The following TSPAN5 variants were observed in gnomAD, a reference collection of about 807,000 sequenced individuals.
TSPAN5 encodes the protein tetraspanin-5.
TSPAN5 carries 10 observed loss-of-function variants against 37.1 expected under a neutral mutation model. That is an observed-to-expected ratio of 0.27 (90% CI 0.17 to 0.46). The LOEUF is 0.46. Among genes scored for constraint, TSPAN5 ranks in the 20% least tolerant of loss-of-function variants. TSPAN5 has a pLI of 1.00. For missense variants in TSPAN5, 195 were observed against 326.6 expected (o/e 0.60, Z 3.11); for synonymous variants, 110 against 118.9 (o/e 0.93, Z 0.48).
At chr4:98,511,089 C>T (rs987084185) in intron 1 of TSPAN5, among the ~76,000 whole-genome samples, 1 of 152,140 alleles carries the variant, frequency 6.6e-6, no homozygotes, top group African/African-American at 2.4e-5. Context: ...GTCTTAAAGT[C>T]AACCCTTTAC....
At chr4:98,484,385 T>G in intron 3 of TSPAN5, 1 of 453,790 alleles carries the variant, frequency 2.2e-6, no homozygotes. Flanking sequence ...GTTTACTTAC[T>G]ACTTATCTCA....
intron 1 of TSPAN5, among the ~76,000 whole-genome samples, chr4:98,598,907 T>C (rs553493500): frequency 3.3e-5 from 5 of 152,296 alleles, no homozygotes; most frequent in African/African-American, 9.6e-5. Flanking sequence ...CACCAGAAAG[T>C]AATTCTGTTC....
At chr4:98,595,553 G>A (rs1042423560) in intron 1 of TSPAN5, among the ~76,000 whole-genome samples, 1 of 129,446 alleles carries the variant, frequency 7.7e-6, no homozygotes, top group African/African-American at 3.5e-5. Context: ...GATCTTTCCT[G>A]CTTTCTCTTG....
At chr4:98,635,675 G>C (rs2110270030) in intron 1 of TSPAN5, among the ~76,000 whole-genome samples, 1 of 152,298 alleles carries the variant, frequency 6.6e-6, no homozygotes, top group Admixed American at 6.5e-5. Context: ...CAGCAAAACA[G>C]ATTGCCCAGA....
intron 1 of TSPAN5, among the ~76,000 whole-genome samples, chr4:98,577,234 C>T (rs1345484866): frequency 1.3e-5 from 2 of 152,170 alleles, no homozygotes; most frequent in Non-Finnish European, 2.9e-5. Flanking sequence ...AGTGCCATCC[C>T]TACTTTCAAC....
chr4:98,627,151 C>T (rs1204986988), intron 1 of TSPAN5, among the ~76,000 whole-genome samples: 1 of 152,064 alleles, frequency 6.6e-6, no homozygotes, highest in Non-Finnish European at 1.5e-5. Flanking sequence ...AAAGGAAGGA[C>T]ATTCTACACA....
At chr4:98,605,477 G>T (rs773479921) in intron 1 of TSPAN5, among the ~76,000 whole-genome samples, 1 of 152,082 alleles carries the variant, frequency 6.6e-6, no homozygotes, top group Admixed American at 6.6e-5. Context: ...TCCTAATTCA[G>T]CAGTCACTAC....
intron 1 of TSPAN5, among the ~76,000 whole-genome samples, chr4:98,639,211 C>G (rs1341821967): frequency 6.6e-6 from 1 of 152,094 alleles, no homozygotes; most frequent in Non-Finnish European, 1.5e-5. Context: ...CACATGAACC[C>G]CCTGCTACAC....
At chr4:98,544,876 A>T (rs1363936575) in intron 1 of TSPAN5, among the ~76,000 whole-genome samples, 1 of 152,208 alleles carries the variant, frequency 6.6e-6, no homozygotes, top group Non-Finnish European at 1.5e-5. Flanking sequence ...TTCAAAGAAA[A>T]CATCTATGTA....
At chr4:98,568,492 A>G (rs1216359027) in intron 1 of TSPAN5, among the ~76,000 whole-genome samples, 1 of 152,088 alleles carries the variant, frequency 6.6e-6, no homozygotes, top group Non-Finnish European at 1.5e-5. Context: ...CAGTGACCCG[A>G]GATCACTCCA....
intron 1 of TSPAN5, among the ~76,000 whole-genome samples, chr4:98,605,112 T>C (rs1205546331): frequency 6.6e-6 from 1 of 152,240 alleles, no homozygotes; most frequent in Non-Finnish European, 1.5e-5. Flanking sequence ...GGTAAGTTAT[T>C]GCTTATGTGT....
At chr4:98,592,508 C>T (rs979162591) in intron 1 of TSPAN5, among the ~76,000 whole-genome samples, 4 of 138,170 alleles carry the variant, frequency 2.9e-5, no homozygotes, top group East Asian at 2.3e-4. Context: ...CATATGTATA[C>T]ATGTGCCATG....
chr4:98,620,444 T>G (rs963816965), intron 1 of TSPAN5, among the ~76,000 whole-genome samples: 1 of 152,180 alleles, frequency 6.6e-6, no homozygotes, highest in Non-Finnish European at 1.5e-5. Context: ...GGAGCAGAGA[T>G]AAGCCTTCCT....
At chr4:98,478,575 C>T (rs935472877) in intron 5 of TSPAN5, 110 bp downstream of exon 5, 46 of 1,332,156 alleles carry the variant, frequency 3.5e-5, no homozygotes, top group South Asian at 2.7e-4. Flanking sequence ...GCTACAAATA[C>T]GAGTAACCAG....
intron 1 of TSPAN5, among the ~76,000 whole-genome samples, chr4:98,627,566 A>G (rs1756636200): frequency 6.6e-6 from 1 of 152,212 alleles, no homozygotes; most frequent in Non-Finnish European, 1.5e-5. Flanking sequence ...TCCTCCATGA[A>G]AAACTTTGGG....
chr4:98,592,421 GTT>G (rs1204813183), intron 1 of TSPAN5, among the ~76,000 whole-genome samples: 1 of 95,280 alleles, frequency 1.0e-5, no homozygotes, highest in African/African-American at 4.4e-5. Context: ...AGGGATCTCT[GTT>G]TTTTGTTTTT....
intron 2 of TSPAN5, among the ~76,000 whole-genome samples, chr4:98,499,227 C>G (rs1241438118): frequency 1.3e-5 from 2 of 152,208 alleles, no homozygotes; most frequent in Non-Finnish European, 2.9e-5. Context: ...AGCTTCTGCC[C>G]GGGCAGGCGG....
At chr4:98,656,800 T>C (rs1346175317) in intron 1 of TSPAN5, among the ~76,000 whole-genome samples, 2 of 151,974 alleles carry the variant, frequency 1.3e-5, no homozygotes, top group Non-Finnish European at 2.9e-5. Flanking sequence ...GGTATTATAA[T>C]AGAAAACAGA....
At chr4:98,479,914 A>C (rs10011269) in intron 4 of TSPAN5, among the ~76,000 whole-genome samples, 24,098 of 152,148 alleles carry the variant, frequency 0.16, 4,935 homozygotes, top group African/African-American at 0.48. Context: ...GAATTACTTC[A>C]TCCCCATGTG....
Sources: allele counts gnomAD v4.1 joint callset (sites outside exome capture counted in the v4.1 genomes callset), GRCh38; gene constraint gnomAD v4.1.1; transcripts MANE v1.5; gene names NCBI Gene and HGNC (gene_info 2026-07-23, HGNC 2026-07-21).